Variants in TMEM131 observed in about 807,000 individuals in gnomAD.
TMEM131 encodes transmembrane protein 131, also known as 2610524E03Rik.
A neutral mutation model predicts 211.6 loss-of-function variants in TMEM131; 66 were observed. The ratio of observed to expected loss-of-function variants is 0.31; its 90% CI spans 0.26 to 0.38. The LOEUF (loss-of-function observed/expected upper bound fraction) is 0.38. TMEM131 is among the 10% of genes least tolerant of loss of function. The pLI is 1.00. For missense variants in TMEM131, 2,036 were observed against 2,299.3 expected (o/e 0.89, Z 2.34); for synonymous variants, 844 against 841.3 (o/e 1.00, Z -0.06).
At chr2:97,804,273 AT>A (rs1489379137) in intron 22 of TMEM131, among the ~76,000 whole-genome samples, 8 of 152,064 alleles carry the variant, frequency 5.3e-5, no homozygotes, top group Non-Finnish European at 1.2e-4. Context: ...TGCAGTATTG[AT>A]TTGTCATTAG....
At chr2:97,780,379 C>T (rs957060073) in intron 31 of TMEM131, among the ~76,000 whole-genome samples, 3 of 152,212 alleles carry the variant, frequency 2.0e-5, no homozygotes, top group African/African-American at 7.2e-5. Context: ...AGGGCTTCCT[C>T]AAGTGTTGCC....
At chr2:97,988,869 T>C (rs1680143800) in intron 1 of TMEM131, among the ~76,000 whole-genome samples, 1 of 152,208 alleles carries the variant, frequency 6.6e-6, no homozygotes, top group Non-Finnish European at 1.5e-5. Flanking sequence ...AGGAATTAAA[T>C]ATAGAACTAT....
chr2:97,921,498 T>A (rs1676738693), intron 2 of TMEM131, among the ~76,000 whole-genome samples: 1 of 152,224 alleles, frequency 6.6e-6, no homozygotes. Context: ...ACTGACAGAC[T>A]GAACTTCATT....
chr2:97,757,129 C>A lies in TMEM131; in HGVS notation c.5622G>T (p.Trp1874Cys). The change falls in exon 41 of 41, where the codon TGG becomes TGT. Residue 1874 changes from tryptophan (W) to cysteine (C), a missense_variant. This residue lies in a region of TMEM131 where 1,623 missense variants were observed against 1,805.9 expected (regional missense o/e 0.90). Transcript: ENST00000186436. The part of the protein sequence containing the change: ...PTIGRRSSDP[W>C]SNSHFPHEN ...TCTCGTGAGGAAAGTGCGAATTAGA[C>A]CAAGGGTCCGAGCTTCTTCTTCCAA... The A allele has an allele frequency of 6.2e-7, 1 of 1,608,838 alleles. No individual in the cohort carries two copies. Among genetic ancestry groups the A allele is most frequent in the Non-Finnish European group, 8.5e-7 (1 of 1,176,624 alleles).
At chr2:97,924,705 C>T (rs57664144) in intron 2 of TMEM131, among the ~76,000 whole-genome samples, 5,674 of 152,190 alleles carry the variant, frequency 0.037, 357 homozygotes, top group African/African-American at 0.13. Flanking sequence ...GATTCCAATG[C>T]GGAGCTGGGG....
chr2:97,864,813 C>T (rs1287535328), intron 4 of TMEM131, among the ~76,000 whole-genome samples: 1 of 152,158 alleles, frequency 6.6e-6, no homozygotes, highest in Non-Finnish European at 1.5e-5. Flanking sequence ...GAGAAGGCTT[C>T]CGAACTTTAT....
chr2:97,762,054 C>G lies in TMEM131; in HGVS notation c.4870G>C (p.Val1624Leu), dbSNP rs201266938. ...GCCTACCTGCTGGAGCTGCTGTTGA[C>G]GATGCTGCTGTAGCTGCCCCGGGCC... ...FVARGSYSSI[V>L]NSSSSSDPKI... Residue 1624 changes from valine to leucine, a missense_variant, in exon 36 of 41, where the codon GTC (valine) becomes CTC (leucine). Physicochemically the swap from Val to Leu is conservative, Grantham distance 32. Around this residue, in one of 3 missense-constraint regions of TMEM131, gnomAD observed 1,623 missense variants for 1,805.9 expected, o/e 0.90. Coordinates refer to ENST00000186436, the MANE Select transcript of TMEM131 (RefSeq NM_015348.2). The G allele has an allele frequency of 6.3e-6, 10 of 1,576,874 alleles. No homozygotes were observed. The highest frequency in any genetic ancestry group is 8.6e-6 in the Non-Finnish European group (10 of 1,166,836).
At chr2:97,865,391 C>T (rs1674231109) in intron 4 of TMEM131, among the ~76,000 whole-genome samples, 1 of 152,172 alleles carries the variant, frequency 6.6e-6, no homozygotes, top group Admixed American at 6.5e-5. Flanking sequence ...CATTCTTTCA[C>T]CATTAAGTAC....
chr2:97,799,429 T>C (rs752156353), intron 25 of TMEM131, among the ~76,000 whole-genome samples: 9 of 152,234 alleles, frequency 5.9e-5, no homozygotes, highest in Non-Finnish European at 1.0e-4. Flanking sequence ...ACTAGCTGCT[T>C]TTCTCATGGA....
intron 32 of TMEM131, among the ~76,000 whole-genome samples, chr2:97,773,971 G>A (rs981387614): frequency 6.6e-6 from 1 of 152,190 alleles, no homozygotes; most frequent in Admixed American, 6.5e-5. Flanking sequence ...CTCAGCAAAG[G>A]GGACAGTGAT....
chr2:97,876,383 C>T (rs1674694790), intron 4 of TMEM131, among the ~76,000 whole-genome samples: 2 of 152,170 alleles, frequency 1.3e-5, no homozygotes, highest in East Asian at 1.9e-4. Flanking sequence ...TGATCCAAAA[C>T]CTGGCAGAGA....
rs750828746 is a variant in TMEM131 at position 97,814,104 on chromosome 2, T to C, written c.1484A>G (p.Asn495Ser). Residue 495 changes from asparagine to serine, a missense_variant, in exon 15 of 41, where the codon AAT becomes AGT. Physicochemically the swap from Asn to Ser is conservative, Grantham distance 46 (BLOSUM62 1). Around this residue, in one of 3 missense-constraint regions of TMEM131, gnomAD observed 1,623 missense variants for 1,805.9 expected, o/e 0.90. Coordinates refer to ENST00000186436, the MANE Select transcript of TMEM131 (RefSeq NM_015348.2). ...CAGGGTAAAAATGTATCCTGATTCA[T>C]TAGGAAGAATTAAGACTGGTTTGCT... ...NFSKPVLILP[N>S]ESGYIFTLLF... 1.2e-6 allele frequency: 2 copies of C among 1,609,112 alleles called. No homozygotes were observed. Among genetic ancestry groups the C allele is most frequent in the Non-Finnish European group, 1.7e-6 (2 of 1,177,180 alleles).
chr2:97,841,692 T>G (rs1683204131), intron 7 of TMEM131, 123 bp downstream of exon 7: 1 of 1,169,496 alleles, frequency 8.6e-7, no homozygotes, highest in East Asian at 2.9e-5. Flanking sequence ...AATACCCCTC[T>G]CAATACACTA....
At chr2:97,763,532 C>G (rs765021770) in intron 35 of TMEM131, 4 of 152,522 alleles carry the variant, frequency 2.6e-5, no homozygotes, top group African/African-American at 4.8e-5. Context: ...CTCTCCCATA[C>G]GAGCCCTGCT....
rs1338084635 is a variant in TMEM131 at position 97,938,879 on chromosome 2, C to A, written c.188-11392G>T. Among the ~76,000 whole-genome samples, 6 of 152,302 alleles carry A rather than the reference C, an allele frequency of 3.9e-5. No homozygotes were observed. In the South Asian group the frequency reaches 1.2e-3, roughly 32 times the overall value. ...AGAACTCAGGATTAAGAAACTCACT[C>A]AAAACCGCTCAACTACATGGAAACT... On this transcript the variant is annotated intron_variant, in intron 1 of 40. Transcript: ENST00000186436.
Position 97,760,655 on chromosome 2 carries a change from T to A in TMEM131, c.5046A>T (p.Lys1682Asn). 1 of 1,613,832 alleles carries A rather than the reference T, an allele frequency of 6.2e-7. No individual in the cohort carries two copies. The highest frequency in any genetic ancestry group is 8.5e-7 in the Non-Finnish European group (1 of 1,179,812). ...GNGFAKVSSN[K>N]TGFSSSLGIS... ...TGCCAAGGCTGCTGGAGAAACCTGTTTTGTTTGAAGAAACTTTAGCAAAGC... is the reference window on the plus strand; with the variant it reads ...TGCCAAGGCTGCTGGAGAAACCTGTATTGTTTGAAGAAACTTTAGCAAAGC... The change falls in exon 38 of 41, where the codon AAA (lysine) becomes AAT (asparagine). Residue 1682 changes from lysine (K) to asparagine (N), a missense_variant. By Grantham distance (94) the Lys-to-Asn change is moderately conservative (BLOSUM62 0). Coordinates refer to ENST00000186436, the MANE Select transcript of TMEM131 (RefSeq NM_015348.2).
rs770632909 is a variant in TMEM131 at position 97,797,482 on chromosome 2, T to G, written c.2753A>C (p.Glu918Ala). 1 of 1,613,506 alleles carries G rather than the reference T, an allele frequency of 6.2e-7. No homozygotes were observed. Among genetic ancestry groups the G allele is most frequent in the South Asian group, 1.1e-5 (1 of 91,008 alleles). The change falls in exon 26 of 41, where the codon GAG becomes GCG. Residue 918 changes from glutamate to alanine, a missense_variant. Around this residue, in one of 3 missense-constraint regions of TMEM131, gnomAD observed 1,623 missense variants for 1,805.9 expected, o/e 0.90. Transcript: ENST00000186436. ...HPLQSSTGFM[E>A]GLSRHLILNL... ...TAAAATTAAATGTCGAGAGAGGCCC[T>G]CCATAAATCCTGTTGAACTCTGCAG...
chr2:97,834,545 A>C, intron 10 of TMEM131, 76 bp downstream of exon 10: 18 of 1,040,040 alleles, frequency 1.7e-5, no homozygotes, highest in Non-Finnish European at 2.5e-5. Context: ...ATTACATAGT[A>C]GAGCCATTCA....
chr2:97,878,757 T>A (rs909089387), intron 4 of TMEM131, among the ~76,000 whole-genome samples: 2 of 152,040 alleles, frequency 1.3e-5, no homozygotes, highest in Non-Finnish European at 2.9e-5. Flanking sequence ...GGTGATGGGT[T>A]GATGCATGCA....
Sources: allele counts gnomAD v4.1 joint callset (sites outside exome capture counted in the v4.1 genomes callset), GRCh38; gene constraint gnomAD v4.1.1; regional missense constraint gnomAD v4.1.1; transcripts MANE v1.5; gene names NCBI Gene and HGNC (gene_info 2026-07-23, HGNC 2026-07-21).